Variants in CHLSN observed in about 807,000 individuals in gnomAD.
The protein encoded by CHLSN is cholesin.
the CHLSN span, among the ~76,000 whole-genome samples, chr7:1,126,767 G>A: frequency 1.3e-5 from 2 of 152,192 alleles, no homozygotes; most frequent in African/African-American, 4.8e-5. Flanking sequence ...AAATCTCAAC[G>A]TTATTCATAA....
At chr7:1,057,991 G>C in the CHLSN span, 1 of 770,298 alleles carries the variant, frequency 1.3e-6, no homozygotes, top group Non-Finnish European at 2.4e-6. Flanking sequence ...CTGCTGACCA[G>C]CTTCTCCTCG....
chr7:1,087,080 T>C, the CHLSN span: 1 of 152,116 alleles, frequency 6.6e-6, no homozygotes, highest in Non-Finnish European at 1.5e-5. Flanking sequence ...AAATGGCCAG[T>C]AGGGGGCGCA....
At chr7:1,133,409 A>AAAAAAAAAAAAAAAAAAAAAC in the CHLSN span, among the ~76,000 whole-genome samples, 1 of 149,544 alleles carries the variant, frequency 6.7e-6, no homozygotes, top group Non-Finnish European at 1.5e-5. Context: ...AAAAAAAAAA[A>AAAAAAAAAAAAAAAAAAAAAC]AAAACTATAA....
At chr7:1,033,283 C>T in the CHLSN span, among the ~76,000 whole-genome samples, 6 of 152,306 alleles carry the variant, frequency 3.9e-5, no homozygotes, top group African/African-American at 7.2e-5. Context: ...TTGGGCCGGG[C>T]GCAGTGGCTC....
chr7:1,125,279 C>T, the CHLSN span, among the ~76,000 whole-genome samples: 3 of 152,256 alleles, frequency 2.0e-5, no homozygotes, highest in South Asian at 6.2e-4. Context: ...CTGCTGGAAG[C>T]CGCTTTGAAG....
chr7:1,123,757 A>G, the CHLSN span, among the ~76,000 whole-genome samples: 3 of 152,038 alleles, frequency 2.0e-5, no homozygotes, highest in Non-Finnish European at 2.9e-5. This position sits in a 1 kb window ranked among gnomAD's most constrained non-coding sequence, Gnocchi z 4.4. Flanking sequence ...CCCTCCCAGT[A>G]GCCCGGAAAC....
the CHLSN span, among the ~76,000 whole-genome samples, chr7:1,127,880 G>A: frequency 1.3e-5 from 1 of 75,072 alleles, no homozygotes; most frequent in Non-Finnish European, 2.3e-5. Context: ...GGAGTGCAGT[G>A]GCACGATCTC....
At chr7:1,078,718 T>C in the CHLSN span, among the ~76,000 whole-genome samples, 1 of 152,118 alleles carries the variant, frequency 6.6e-6, no homozygotes, top group Non-Finnish European at 1.5e-5. Context: ...CTTACAACCA[T>C]GCAGAACTCA....
At chr7:1,081,824 T>C in the CHLSN span, 1 of 143,170 alleles carries the variant, frequency 7.0e-6, no homozygotes, top group African/African-American at 2.5e-5. Flanking sequence ...GGGCCCCTCC[T>C]GTCCACGATA....
the CHLSN span, among the ~76,000 whole-genome samples, chr7:1,066,318 C>A: frequency 6.6e-6 from 1 of 152,236 alleles, no homozygotes; most frequent in Non-Finnish European, 1.5e-5. Context: ...CCTACGGGAC[C>A]CCCACGCCGC....
the CHLSN span, among the ~76,000 whole-genome samples, chr7:1,077,232 C>T: frequency 1.5e-4 from 23 of 152,130 alleles, no homozygotes; most frequent in Admixed American, 3.9e-4. Flanking sequence ...CTAGGCTCAC[C>T]GCAAGCTCCG....
chr7:1,078,352 G>A, the CHLSN span, among the ~76,000 whole-genome samples: 2 of 152,074 alleles, frequency 1.3e-5, no homozygotes, highest in African/African-American at 4.8e-5. Flanking sequence ...TGCGGGGTGG[G>A]GGGGGGCTCA....
the CHLSN span, among the ~76,000 whole-genome samples, chr7:989,996 T>C: frequency 1.4e-5 from 1 of 70,542 alleles, no homozygotes; most frequent in African/African-American, 6.6e-5. Flanking sequence ...GGCGGTGTGG[T>C]CGGCAGTGTG....
chr7:1,010,695 T>C, the CHLSN span, among the ~76,000 whole-genome samples: 1 of 151,966 alleles, frequency 6.6e-6, no homozygotes, highest in Non-Finnish European at 1.5e-5. Flanking sequence ...GCTGTGACAA[T>C]GTGTCCCCAG....
At chr7:1,091,914 G>C in the CHLSN span, 9 of 1,613,992 alleles carry the variant, frequency 5.6e-6, no homozygotes, top group Non-Finnish European at 7.6e-6. Context: ...TGTTCCTCTC[G>C]TGCCTCTACA....
chr7:1,059,507 GGGCGGGTCTGTAGTGA>G, the CHLSN span, among the ~76,000 whole-genome samples: 22 of 127,156 alleles, frequency 1.7e-4, no homozygotes, highest in Non-Finnish European at 3.3e-4. Flanking sequence ...GTCCGTAGTG[GGGCGGGTCTGTAGTGA>G]GGCGGGTCTT....
chr7:1,124,648 G>A, the CHLSN span, among the ~76,000 whole-genome samples: 1 of 150,244 alleles, frequency 6.7e-6, no homozygotes, highest in Non-Finnish European at 1.5e-5. Context: ...CACCAGCATG[G>A]CACATGTATA....
the CHLSN span, among the ~76,000 whole-genome samples, chr7:1,123,657 A>C: frequency 5.3e-5 from 8 of 151,574 alleles, no homozygotes; most frequent in Non-Finnish European, 1.2e-4. This position sits in a 1 kb window ranked among gnomAD's most constrained non-coding sequence, Gnocchi z 4.4. Context: ...GGAAATATCC[A>C]TATTAGCAGA....
the CHLSN span, among the ~76,000 whole-genome samples, chr7:1,131,875 CTTTGAGA>C: frequency 6.6e-6 from 1 of 152,206 alleles, no homozygotes; most frequent in African/African-American, 2.4e-5. Flanking sequence ...GTGACTCAAG[CTTTGAGA>C]TAATGAATGT....
Sources: allele counts gnomAD v4.1 joint callset (sites outside exome capture counted in the v4.1 genomes callset), GRCh38; gene constraint gnomAD v4.1.1; non-coding constraint Gnocchi (gnomAD v3.1); transcripts MANE v1.5; gene names NCBI Gene and HGNC (gene_info 2026-07-23, HGNC 2026-07-21).